The following CCDC92B variants were observed in gnomAD, a reference collection of about 807,000 sequenced individuals.
CCDC92B encodes the protein coiled-coil domain containing 92B.
In CCDC92B, 2 loss-of-function variants were observed where a neutral mutation model predicts 5.6. That is an observed-to-expected ratio of 0.36 (90% confidence interval 0.15 to 1.12). CCDC92B has a LOEUF of 1.12. CCDC92B is among the 50% of genes most tolerant of loss of function. The probability of loss-of-function intolerance (pLI) is 0.40; values close to 1 mark genes in which losing one functional copy is unlikely to be tolerated. For synonymous variants in CCDC92B, 115 were observed against 122.3 expected (o/e 0.94, Z 0.39); for missense variants, 271 against 262.2 (o/e 1.03, Z -0.23).
At chr17:2,730,722 C>T (rs1466690449) in intron 2 of CCDC92B, among the ~76,000 whole-genome samples, 1 of 152,120 alleles carries the variant, frequency 6.6e-6, no homozygotes, top group Non-Finnish European at 1.5e-5. Flanking sequence ...CAGCTTGACT[C>T]CAAGCTCAGA....
chr17:2,739,240 G>T (rs1036541085), intron 1 of CCDC92B, among the ~76,000 whole-genome samples: 2 of 147,750 alleles, frequency 1.4e-5, no homozygotes, highest in Non-Finnish European at 3.0e-5. Context: ...GGTGGCGGGC[G>T]CCTGTAGTCC....
At chr17:2,747,820 C>A (rs1410050225) in intron 1 of CCDC92B, among the ~76,000 whole-genome samples, 2 of 152,174 alleles carry the variant, frequency 1.3e-5, no homozygotes, top group Non-Finnish European at 1.5e-5. Flanking sequence ...AAAGCAGGAA[C>A]TCAAGAAGCC....
At chr17:2,726,344 A>T (rs1017919006) in intron 3 of CCDC92B, among the ~76,000 whole-genome samples, 4 of 144,160 alleles carry the variant, frequency 2.8e-5, no homozygotes, top group Non-Finnish European at 6.0e-5. Context: ...TGCCTGGCTT[A>T]TTTTTTTTTT....
rs552138152 is a variant in CCDC92B, at chr17:2,724,233, A to G, written c.*178T>C. 2.0e-6 allele frequency: 2 copies of G among 985,070 alleles called. No individual in the cohort carries two copies. Among genetic ancestry groups the G allele is most frequent in the Non-Finnish European group, 2.4e-6 (2 of 829,752 alleles). 61.0% of individuals were successfully genotyped at this position (985,070 alleles called of 1,614,324 possible). ...GAGGAGAGGGCTCGAAGCTTTGGAAACGTCGGGAAGTACAAAAGGCTGGCG... is the reference window on the plus strand; with the variant it reads ...GAGGAGAGGGCTCGAAGCTTTGGAAGCGTCGGGAAGTACAAAAGGCTGGCG... On this transcript the variant is annotated 3_prime_UTR_variant, in exon 4 of 4. Coordinates refer to ENST00000614400, the MANE Select transcript of CCDC92B (RefSeq NM_001355573.2). The surrounding 1 kb of genome is among the most constrained non-coding windows in gnomAD (Gnocchi z 5.0).
intron 2 of CCDC92B, among the ~76,000 whole-genome samples, chr17:2,732,606 A>G (rs2070806337): frequency 6.6e-6 from 1 of 152,040 alleles, no homozygotes; most frequent in African/African-American, 2.4e-5. Flanking sequence ...AATCCCAGCT[A>G]CTTCGGAGGC....
chr17:2,724,692 CGG>C lies in CCDC92B; in HGVS notation c.485_486del (p.Ala162GlyfsTer193). On this transcript the variant is annotated frameshift_variant, in exon 4 of 4. Coordinates refer to ENST00000614400, the MANE Select transcript of CCDC92B (RefSeq NM_001355573.2). LOFTEE classifies it low-confidence loss of function (END_TRUNC). The surrounding 1 kb of genome is among the most constrained non-coding windows in gnomAD (Gnocchi z 5.0). Reference sequence around the variant, plus strand: ...AGTGCGCGGCGGCGTGGCCTGGGCTCGGCGGTGGCGCCGGGGCCCGGGCGCGG... The same window carrying C: ...AGTGCGCGGCGGCGTGGCCTGGGCTCCGGTGGCGCCGGGGCCCGGGCGCGG... ...QAPRPGPGAT[A>X]EPRPRRRALR... 1 of 981,426 alleles carries C rather than the reference CGG, an allele frequency of 1.0e-6. No individual in the cohort carries two copies. Among genetic ancestry groups the C allele is most frequent in the Non-Finnish European group, 1.2e-6 (1 of 828,226 alleles). 60.8% of individuals were successfully genotyped at this position (981,426 alleles called of 1,614,324 possible). A position where few individuals can be genotyped will look rare whatever the true frequency, so the allele number is the denominator to read the frequency against.
chr17:2,723,891 G>C lies in CCDC92B; in HGVS notation c.*520C>G, dbSNP rs1473799267. 1 of 970,872 alleles carries C rather than the reference G, an allele frequency of 1.0e-6. No homozygotes were observed. The highest frequency in any genetic ancestry group is 1.2e-6 in the Non-Finnish European group (1 of 816,886). The allele number at this position is 970,872 out of a possible 1,614,324, so 60.1% of individuals were successfully genotyped here. On this transcript the variant is annotated 3_prime_UTR_variant, in exon 4 of 4. Coordinates refer to ENST00000614400, the MANE Select transcript of CCDC92B (RefSeq NM_001355573.2). ...AGGACCTATCGGCAGGGTCAGGGTG[G>C]GGGTAGAAGGACCAGCCCCTAGCCT...
chr17:2,744,904 A>G (rs2070967795), intron 1 of CCDC92B, among the ~76,000 whole-genome samples: 1 of 151,782 alleles, frequency 6.6e-6, no homozygotes, highest in African/African-American at 2.4e-5. Flanking sequence ...CCCCGTCTCT[A>G]CTAAAGATAC....
At chr17:2,730,939 C>T (rs1316701999) in intron 2 of CCDC92B, among the ~76,000 whole-genome samples, 1 of 152,222 alleles carries the variant, frequency 6.6e-6, no homozygotes. Flanking sequence ...GTGTCCAGAA[C>T]TGCCTGGCGG....
In CCDC92B at chr17:2,733,875, C is replaced by T. The variant is rs185725246; in HGVS notation, c.130+1141G>A. On this transcript the variant is annotated intron_variant, in intron 2 of 3. Transcript: ENST00000614400. Reference sequence around the variant, plus strand: ...CCAGGTTCAAGCGATTCTCCTGCCTCAGCCTTCCGAGTAGCTGGGATTACA... The same window carrying T: ...CCAGGTTCAAGCGATTCTCCTGCCTTAGCCTTCCGAGTAGCTGGGATTACA... 2.8e-4 allele frequency among the ~76,000 whole-genome samples: 42 copies of T among 150,510 alleles called. No homozygotes were observed. In the East Asian group the frequency reaches 7.1e-3, roughly 26 times the overall value.
chr17:2,724,728 G>C lies in CCDC92B; in HGVS notation c.451C>G (p.Leu151Val), dbSNP rs2070704533. Residue 151 changes from leucine to valine, a missense_variant, in exon 4 of 4, where the codon CTG (leucine) becomes GTG (valine). Coordinates refer to ENST00000614400, the MANE Select transcript of CCDC92B (RefSeq NM_001355573.2). This position sits in a 1 kb window ranked among gnomAD's most constrained non-coding sequence, Gnocchi z 5.0. ...SCQLHAARQR[L>V]QAPRPGPGAT... ...CCGGGGCCCGGGCGCGGGGCCTGCA[G>C]TCTCTGGCGCGCCGCGTGCAGCTGG... The C allele has an allele frequency of 1.0e-6, 1 of 981,376 alleles. No homozygotes were observed. 60.8% of individuals were successfully genotyped at this position (981,376 alleles called of 1,614,324 possible).
chr17:2,733,756 T>C (rs1198462307), intron 2 of CCDC92B, among the ~76,000 whole-genome samples: 1 of 130,054 alleles, frequency 7.7e-6, no homozygotes. Flanking sequence ...TTTTTTTTTT[T>C]TTTTTTTTTT....
rs2070676173 is a variant in CCDC92B, at chr17:2,723,120, AC to A, written c.*1290del. 1 of 153,056 alleles carries A rather than the reference AC, an allele frequency of 6.5e-6. No homozygotes were observed. The highest frequency in any genetic ancestry group is 1.5e-5 in the Non-Finnish European group (1 of 68,732). 9.5% of individuals were successfully genotyped at this position (153,056 alleles called of 1,614,324 possible). ...AGGATGGGGACTAACCTGTGCTCCC[AC>A]CATCCCCCCAGCAAACACAAACCCA... On this transcript the variant is annotated 3_prime_UTR_variant, in exon 4 of 4. Transcript: ENST00000614400.
chr17:2,733,892 G>T (rs2070828382), intron 2 of CCDC92B, among the ~76,000 whole-genome samples: 1 of 151,426 alleles, frequency 6.6e-6, no homozygotes, highest in Admixed American at 6.6e-5. Flanking sequence ...CCGAGTAGCT[G>T]GGATTACAGG....
chr17:2,748,646 G>C, intron 1 of CCDC92B: 1 of 968,764 alleles, frequency 1.0e-6, no homozygotes, highest in African/African-American at 1.8e-5. Flanking sequence ...AATGAATGCT[G>C]CTGAAACAGG....
At chr17:2,736,888 AAAT>A (rs2070864076) in intron 1 of CCDC92B, among the ~76,000 whole-genome samples, 1 of 51,770 alleles carries the variant, frequency 1.9e-5, no homozygotes, top group Non-Finnish European at 5.8e-5. Flanking sequence ...CTCAAAAAAT[AAAT>A]AAATAAATAA....
chr17:2,730,355 G>A (rs2070778050), intron 3 of CCDC92B, 91 bp downstream of exon 3: 1 of 715,344 alleles, frequency 1.4e-6, no homozygotes, highest in African/African-American at 1.9e-5. Context: ...TCTAGGCTGG[G>A]GACAGAGAAG....
At chr17:2,748,369 G>A in intron 1 of CCDC92B, 1 of 985,034 alleles carries the variant, frequency 1.0e-6, no homozygotes, top group Non-Finnish European at 1.2e-6. Context: ...CTGTTCCCCA[G>A]GCAATTTGTT....
In CCDC92B at chr17:2,724,548, C is replaced by CGGGGTCGGGCAT. The variant is rs1177446540; in HGVS notation, c.619_630dup (p.Met207_Pro210dup). 5 of 982,140 alleles carry CGGGGTCGGGCAT rather than the reference C, an allele frequency of 5.1e-6. No homozygotes were observed. The highest frequency in any genetic ancestry group is 2.3e-4 in the East Asian group (2 of 8,666). 60.8% of individuals were successfully genotyped at this position (982,140 alleles called of 1,614,324 possible). A position where few individuals can be genotyped will look rare whatever the true frequency, so the allele number is the denominator to read the frequency against. ...GGCCTGCGTGCATAGAGGAAGAGCG[C>CGGGGTCGGGCAT]GGGGTCGGGCATGGGGTCGGCGTCG... On this transcript the variant is annotated inframe_insertion, in exon 4 of 4. Transcript: ENST00000614400. The surrounding 1 kb of genome is among the most constrained non-coding windows in gnomAD (Gnocchi z 5.0).
Sources: gnomAD v4.1 joint callset for allele counts (sites outside exome capture counted in the v4.1 genomes callset) on GRCh38, gnomAD v4.1.1 for gene constraint, Gnocchi (gnomAD v3.1) non-coding constraint, MANE v1.5 for transcripts, NCBI Gene and HGNC (gene_info 2026-07-23, HGNC 2026-07-21) for gene names.